TTC7A: variants seen among roughly 807,000 people sequenced by gnomAD.
TTC7A encodes the protein tetratricopeptide repeat domain 7A.
In TTC7A, 110 loss-of-function variants were observed where a neutral mutation model predicts 103.7. The ratio of observed to expected loss-of-function variants is 1.06; its 90% CI spans 0.91 to 1.24. The LOEUF is 1.24. TTC7A is among the 50% of genes most tolerant of loss of function. The probability of loss-of-function intolerance (pLI) is 0.00; values close to 1 mark genes in which losing one functional copy is unlikely to be tolerated. For missense variants in TTC7A, 1,340 were observed against 1,116.3 expected, an observed-to-expected ratio of 1.20 and a Z score of -2.86; for synonymous variants, 521 against 467.9, an observed-to-expected ratio of 1.11 and a Z score of -1.47.
At chr2:46,992,207 G>A (rs958842527) in intron 5 of TTC7A, among the ~76,000 whole-genome samples, 1 of 152,232 alleles carries the variant, frequency 6.6e-6, no homozygotes, top group Admixed American at 6.5e-5. Context: ...ACTTTCCTGA[G>A]CATGTGCTAC....
At chr2:46,959,099 A>C (rs758233749) in intron 3 of TTC7A, among the ~76,000 whole-genome samples, 3 of 152,218 alleles carry the variant, frequency 2.0e-5, no homozygotes, top group Non-Finnish European at 4.4e-5. Context: ...ATTTGAACCC[A>C]GGCAGCTGGA....
At chr2:46,971,266 A>G (rs1673331087) in intron 3 of TTC7A, among the ~76,000 whole-genome samples, 1 of 152,254 alleles carries the variant, frequency 6.6e-6, no homozygotes, top group South Asian at 2.1e-4. Flanking sequence ...ATGTTTGGTT[A>G]TACCAGGGAA....
At chr2:47,038,345 C>G (rs973014423) in intron 15 of TTC7A, among the ~76,000 whole-genome samples, 1 of 152,018 alleles carries the variant, frequency 6.6e-6, no homozygotes, top group Non-Finnish European at 1.5e-5. Context: ...CTTGGGTCAT[C>G]AGACTTGGAC....
At chr2:47,032,978 GA>G (rs1382602217) in intron 15 of TTC7A, among the ~76,000 whole-genome samples, 1 of 151,764 alleles carries the variant, frequency 6.6e-6, no homozygotes, top group Non-Finnish European at 1.5e-5. Flanking sequence ...TATGGTGAGT[GA>G]CCATAGGGTA....
At chr2:46,930,253 T>C (rs936070829) in intron 2 of TTC7A, among the ~76,000 whole-genome samples, 5 of 151,934 alleles carry the variant, frequency 3.3e-5, no homozygotes, top group Admixed American at 1.3e-4. Context: ...ATAAAATTTA[T>C]AAATCCCTGG....
intron 15 of TTC7A, among the ~76,000 whole-genome samples, chr2:47,039,278 C>T (rs1024223231): frequency 2.6e-5 from 4 of 152,204 alleles, no homozygotes; most frequent in Non-Finnish European, 5.9e-5. Context: ...TGCTGAGTAA[C>T]TACAGGGAGC....
intron 19 of TTC7A, among the ~76,000 whole-genome samples, chr2:47,064,696 G>C (rs566177679): frequency 6.6e-6 from 1 of 152,314 alleles, no homozygotes; most frequent in East Asian, 1.9e-4. Flanking sequence ...TGGTGGAATG[G>C]TTGGGTCATT....
At chr2:46,980,075 T>C (rs1199014310) in intron 5 of TTC7A, among the ~76,000 whole-genome samples, 1 of 152,226 alleles carries the variant, frequency 6.6e-6, no homozygotes, top group Non-Finnish European at 1.5e-5. Context: ...CTGTGTGCCA[T>C]TTTTAGTGTG....
chr2:47,063,637 G>T (rs1683962239), intron 19 of TTC7A, among the ~76,000 whole-genome samples: 1 of 152,258 alleles, frequency 6.6e-6, no homozygotes, highest in Non-Finnish European at 1.5e-5. Context: ...TCCCTGCTGT[G>T]GAGTCAGGGC....
Position 47,074,107 on chromosome 2 carries a change from T to C in TTC7A, c.*184T>C, listed in dbSNP as rs1478814549. On this transcript the variant is annotated 3_prime_UTR_variant, in exon 20 of 20. Transcript: ENST00000319190. ...CCAAGAGGGCCTTCCTGGATTTCTT[T>C]GTTGGTGCCTTGGGAAACAGTCTGA... The C allele has an allele frequency of 5.0e-6, 3 of 601,532 alleles. No homozygotes were observed. The highest frequency in any genetic ancestry group is 2.8e-5 in the East Asian group (1 of 36,110). 37.3% of individuals were successfully genotyped at this position (601,532 alleles called of 1,614,324 possible).
At chr2:47,006,842 A>C in intron 10 of TTC7A, 118 bp downstream of exon 10, 2 of 814,406 alleles carry the variant, frequency 2.5e-6, no homozygotes, top group Non-Finnish European at 4.2e-6. Context: ...GCTGGTTTGA[A>C]CCTCCGGGAG....
chr2:46,975,799 C>T (rs1673819140), intron 4 of TTC7A, among the ~76,000 whole-genome samples: 1 of 152,062 alleles, frequency 6.6e-6, no homozygotes, highest in South Asian at 2.1e-4. Flanking sequence ...TTCAGTGGCA[C>T]GATCTCAGCT....
intron 2 of TTC7A, among the ~76,000 whole-genome samples, chr2:46,922,500 T>C (rs963147394): frequency 6.6e-6 from 1 of 151,990 alleles, no homozygotes; most frequent in African/African-American, 2.4e-5. Flanking sequence ...CAGACCTGAG[T>C]GCGGGCAGAG....
In TTC7A at chr2:47,051,793, A is replaced by G. The variant is rs769031419; in HGVS notation, c.2065A>G (p.Met689Val). The G allele has an allele frequency of 6.2e-7, 1 of 1,611,586 alleles. No individual in the cohort carries two copies. The highest frequency in any genetic ancestry group is 1.1e-5 in the South Asian group (1 of 90,998). ...CGCCGCCTCCCGGCTGGAGGAGGCC[A>G]TGTCAGAGCTGACTATGCCCTCTTC... is the stretch of plus-strand genomic sequence containing the variant. ...SIAASRLEEA[M>V]SELTMPSSVL... is the part of the protein sequence containing the mutation. The change falls in exon 18 of 20, where the codon ATG (methionine) becomes GTG (valine). Residue 689 changes from methionine to valine, a missense_variant. Physicochemically the swap from Met to Val is conservative, Grantham distance 21. Transcript: ENST00000319190.
chr2:47,023,145 G>T (rs978889791), intron 12 of TTC7A, among the ~76,000 whole-genome samples: 2 of 152,252 alleles, frequency 1.3e-5, no homozygotes, highest in East Asian at 1.9e-4. Context: ...TGCCCATGTC[G>T]TGGAATGCTT....
intron 19 of TTC7A, among the ~76,000 whole-genome samples, chr2:47,071,922 T>A (rs1296113009): frequency 1.3e-5 from 2 of 152,254 alleles, no homozygotes; most frequent in Non-Finnish European, 2.9e-5. Flanking sequence ...TGGCCCTCTC[T>A]GGGAGGCCTT....
chr2:46,994,563 AG>A (rs763851271), intron 7 of TTC7A, 49 bp downstream of exon 7: 273 of 1,594,936 alleles, frequency 1.7e-4, no homozygotes, highest in Admixed American at 2.9e-4. Flanking sequence ...CATCTCACGC[AG>A]GGTTCTGTCC....
chr2:47,029,660 C>T (rs1680305972), intron 15 of TTC7A, among the ~76,000 whole-genome samples: 1 of 152,178 alleles, frequency 6.6e-6, no homozygotes, highest in African/African-American at 2.4e-5. Flanking sequence ...AAGGAGACTG[C>T]TTGAATGCAT....
At chr2:46,958,417 G>A in intron 3 of TTC7A, 1 of 1,168,800 alleles carries the variant, frequency 8.6e-7, no homozygotes, top group Non-Finnish European at 1.2e-6. Flanking sequence ...CCCTTCCTCG[G>A]GCTTCCTTTC....
Sources: allele counts gnomAD v4.1 joint callset (sites outside exome capture counted in the v4.1 genomes callset), GRCh38; gene constraint gnomAD v4.1.1; transcripts MANE v1.5; gene names NCBI Gene and HGNC (gene_info 2026-07-23, HGNC 2026-07-21).